Variants in EPSTI1 observed in about 807,000 individuals in gnomAD.
The protein encoded by EPSTI1 is epithelial stromal interaction 1.
Under a neutral mutation model 49.9 loss-of-function variants are expected in EPSTI1, and 66 were observed. That is an observed-to-expected ratio of 1.32 (90% confidence interval 1.08 to 1.62). EPSTI1 has a LOEUF of 1.62. Among genes scored for constraint, EPSTI1 ranks in the 40% most tolerant of loss-of-function variants. EPSTI1 has a pLI of 0.00. For missense variants in EPSTI1, 394 were observed against 365.5 expected, an observed-to-expected ratio of 1.08 and a Z score of -0.64; for synonymous variants, 137 against 130.7, an observed-to-expected ratio of 1.05 and a Z score of -0.33.
At chr13:42,915,808 C>A (rs575943089) in intron 8 of EPSTI1, among the ~76,000 whole-genome samples, 1 of 151,308 alleles carries the variant, frequency 6.6e-6, no homozygotes, top group Non-Finnish European at 1.5e-5. Flanking sequence ...TTATCTAAGT[C>A]TAGAATAAAA....
intron 7 of EPSTI1, among the ~76,000 whole-genome samples, chr13:42,926,041 A>AAGGAAGGAAGGAAGGAAGGAAGGAAGGT (rs770941534): frequency 0.13 from 17,291 of 137,710 alleles, 1,335 homozygotes; most frequent in Middle Eastern, 0.18. Context: ...GGAAGGAAGG[A>AAGGAAGGAAGGAAGGAAGGAAGGAAGGT]AGGAAGGTAG....
At chr13:42,911,810 TTCTTA>T (rs757810609) in intron 8 of EPSTI1, among the ~76,000 whole-genome samples, 24 of 152,326 alleles carry the variant, frequency 1.6e-4, no homozygotes, top group South Asian at 8.3e-4. Context: ...TTAATTTCTG[TTCTTA>T]TCTTAATTAC....
chr13:42,920,037 T>G (rs2037948463), intron 7 of EPSTI1, among the ~76,000 whole-genome samples: 1 of 152,186 alleles, frequency 6.6e-6, no homozygotes, highest in African/African-American at 2.4e-5. Context: ...ATCATCTCCC[T>G]TGTATGCATG....
chr13:42,954,157 C>T (rs1359412094), intron 5 of EPSTI1, 136 bp from the exon 6 acceptor site: 5 of 640,586 alleles, frequency 7.8e-6, no homozygotes, highest in Non-Finnish European at 1.0e-5. Context: ...CTAGAGGCTC[C>T]AAGATGGTAC....
rs779718034 is a variant in EPSTI1 at position 42,895,159 on chromosome 13, A to G, written c.816-51T>C. On this transcript the variant is annotated intron_variant, in intron 9 of 10. Transcript: ENST00000313624. ...GAGTAGAAAACTTGCTGCAGGGCTG[A>G]GAGATTTCTGAGAATCTAATGTGTT... The G allele has an allele frequency of 5.6e-6, 8 of 1,418,630 alleles. No homozygotes were observed. In the South Asian group the frequency reaches 8.5e-5, roughly 15 times the overall value. The allele number at this position is 1,418,630 out of a possible 1,614,324, so 87.9% of individuals were successfully genotyped here.
At chr13:42,910,110 A>C (rs1370469314) in intron 8 of EPSTI1, among the ~76,000 whole-genome samples, 4 of 152,122 alleles carry the variant, frequency 2.6e-5, no homozygotes, top group Non-Finnish European at 5.9e-5. Context: ...GGATTCCAGG[A>C]AAGTTTTTAA....
intron 6 of EPSTI1, among the ~76,000 whole-genome samples, chr13:42,952,348 T>A (rs1457965696): frequency 6.6e-6 from 1 of 152,162 alleles, no homozygotes; most frequent in Admixed American, 6.5e-5. Flanking sequence ...GTCCATGGCT[T>A]CATTCTTGAA....
At chr13:42,949,407 T>C (rs2039025446) in intron 6 of EPSTI1, among the ~76,000 whole-genome samples, 1 of 152,054 alleles carries the variant, frequency 6.6e-6, no homozygotes, top group South Asian at 2.1e-4. Context: ...CTGGCCAATA[T>C]GGTGAAACCC....
chr13:42,919,886 C>G (rs530397020), intron 7 of EPSTI1, among the ~76,000 whole-genome samples: 1 of 152,262 alleles, frequency 6.6e-6, no homozygotes, highest in Admixed American at 6.5e-5. Flanking sequence ...CAGAAATTTA[C>G]TATCTTATAG....
chr13:42,902,728 A>G (rs1181546712), intron 8 of EPSTI1, among the ~76,000 whole-genome samples: 1 of 152,246 alleles, frequency 6.6e-6, no homozygotes, highest in Non-Finnish European at 1.5e-5. Context: ...TGATAAATGA[A>G]TGAGCAATAT....
At chr13:42,898,558 C>T (rs987632738) in intron 9 of EPSTI1, among the ~76,000 whole-genome samples, 3 of 152,040 alleles carry the variant, frequency 2.0e-5, no homozygotes, top group Admixed American at 6.5e-5. Flanking sequence ...TTTATTGGAT[C>T]TATTTAAGTA....
intron 8 of EPSTI1, among the ~76,000 whole-genome samples, chr13:42,911,244 A>AGAGT (rs1555259470): frequency 2.3e-4 from 34 of 147,148 alleles, no homozygotes; most frequent in East Asian, 1.8e-3. Flanking sequence ...AGAGAGAGAG[A>AGAGT]GTGTGTGTGT....
chr13:42,917,243 G>A (rs955776695), intron 8 of EPSTI1, among the ~76,000 whole-genome samples: 6 of 151,958 alleles, frequency 3.9e-5, no homozygotes, highest in Non-Finnish European at 8.8e-5. Context: ...TGGTGGTGGT[G>A]TTTTGTTTTG....
rs1291451522 is a variant in EPSTI1 at position 42,970,819 on chromosome 13, C to A, written c.189-149G>T. On this transcript the variant is annotated intron_variant, in intron 1 of 10. Coordinates refer to ENST00000313624, the MANE Select transcript of EPSTI1 (RefSeq NM_033255.5). ...AAGATAATCTTCTTAAGACCCTGAT[C>A]TGTTCTCTGGGACCTCACAATCTTG... 5 of 624,882 alleles carry A rather than the reference C, an allele frequency of 8.0e-6. No individual in the cohort carries two copies. The Admixed American group carries it at 1.6e-4, about 20-fold the overall frequency. The allele number at this position is 624,882 out of a possible 1,614,324, so 38.7% of individuals were successfully genotyped here.
Position 42,985,008 on chromosome 13 carries a change from C to T in EPSTI1, c.188+6970G>A, listed in dbSNP as rs147946730. Among the ~76,000 whole-genome samples the T allele has an allele frequency of 6.7e-3, 1,020 of 152,138 alleles. 8 individuals are homozygous for T. The highest frequency in any genetic ancestry group is 0.023 in the African/African-American group (965 of 41,504). On this transcript the variant is annotated intron_variant, in intron 1 of 10. Transcript: ENST00000313624. ...GTTTGAGTCCTTCAGAAGCTGACAC[C>T]AAGATGGGGTTAGACAAGCAAGAGA... is the stretch of plus-strand genomic sequence containing the variant.
rs1427221489 is a variant in EPSTI1, at chr13:42,933,767, A to AGCT, written c.564-7341_564-7339dup. On this transcript the variant is annotated intron_variant, in intron 6 of 10. Transcript: ENST00000313624. ...CAGGCACACACTGCTGCCCAAGCGGAGCTGCTCTTTGAATTCTCTGTGAAT... is the reference window on the plus strand; with the variant it reads ...CAGGCACACACTGCTGCCCAAGCGGAGCTGCTGCTCTTTGAATTCTCTGTGAAT... 2.6e-5 allele frequency: 4 copies of AGCT among 152,386 alleles called. No individual in the cohort carries two copies. The East Asian group carries it at 7.7e-4, about 29-fold the overall frequency. The allele number at this position is 152,386 out of a possible 1,614,324, so 9.4% of individuals were successfully genotyped here. A position where few individuals can be genotyped will look rare whatever the true frequency, so the allele number is the denominator to read the frequency against.
intron 1 of EPSTI1, among the ~76,000 whole-genome samples, chr13:42,971,326 G>A (rs1442785362): frequency 6.6e-6 from 1 of 152,208 alleles, no homozygotes; most frequent in Non-Finnish European, 1.5e-5. Flanking sequence ...CAGAGAGTGT[G>A]CTTGATTGAT....
intron 1 of EPSTI1, among the ~76,000 whole-genome samples, chr13:42,979,828 T>C (rs891455684): frequency 6.6e-6 from 1 of 152,154 alleles, no homozygotes; most frequent in Non-Finnish European, 1.5e-5. Context: ...TATAATACCA[T>C]TATCACACCA....
chr13:42,988,231 T>C (rs1165756280), intron 1 of EPSTI1, among the ~76,000 whole-genome samples: 2 of 152,166 alleles, frequency 1.3e-5, no homozygotes, highest in African/African-American at 2.4e-5. Flanking sequence ...ATATAAATAA[T>C]GTAAAATATT....
Sources: gnomAD v4.1 joint callset for allele counts (sites outside exome capture counted in the v4.1 genomes callset) on GRCh38, gnomAD v4.1.1 for gene constraint, MANE v1.5 for transcripts, NCBI Gene and HGNC (gene_info 2026-07-23, HGNC 2026-07-21) for gene names.